ANAPC4: variants seen among roughly 807,000 people sequenced by gnomAD.
The protein encoded by ANAPC4 is anaphase-promoting complex subunit 4.
ANAPC4 carries 63 observed loss-of-function variants against 119.8 expected under a neutral mutation model. The ratio of observed to expected loss-of-function variants is 0.53; its 90% CI spans 0.43 to 0.65. ANAPC4 has a LOEUF of 0.65. ANAPC4 is among the 30% of genes least tolerant of loss of function. The pLI is 0.00. For missense variants in ANAPC4, 716 were observed against 945.1 expected (o/e 0.76, Z 3.18); for synonymous variants, 283 against 318.6 (o/e 0.89, Z 1.19).
rs947104282 is a variant in ANAPC4, at chr4:25,377,404, G to T, written c.-10-14G>T. On this transcript the variant is annotated splice_polypyrimidine_tract_variant and intron_variant, in intron 1 of 28. Transcript: ENST00000315368. ...GGGGGCTCCTGCCGGCCTCTGACTGGGGTGTCGTTGCAGGGCCGTCCCCAT... is the reference window on the plus strand; with the variant it reads ...GGGGGCTCCTGCCGGCCTCTGACTGTGGTGTCGTTGCAGGGCCGTCCCCAT... 30 of 1,612,498 alleles carry T rather than the reference G, an allele frequency of 1.9e-5. No homozygotes were observed. The highest frequency in any genetic ancestry group is 2.4e-5 in the Non-Finnish European group (28 of 1,179,168).
intron 25 of ANAPC4, 99 bp from the exon 26 acceptor site, chr4:25,415,367 A>G (rs1723800799): frequency 4.5e-6 from 4 of 884,450 alleles, no homozygotes; most frequent in African/African-American, 1.7e-5. Flanking sequence ...AAAGAAGTAC[A>G]TGTACTGACC....
In ANAPC4 at chr4:25,392,381, G is replaced by A. The variant is rs371711389; in HGVS notation, c.749G>A (p.Arg250Gln). 2.9e-5 allele frequency: 47 copies of A among 1,613,082 alleles called. No homozygotes were observed. The highest frequency in any genetic ancestry group is 6.7e-5 in the Admixed American group (4 of 59,994). Residue 250 changes from arginine to glutamine, a missense_variant, in exon 10 of 29, where the codon CGG becomes CAG. Coordinates refer to ENST00000315368, the MANE Select transcript of ANAPC4 (RefSeq NM_013367.3). The part of the protein sequence containing the change: ...LLYSFLPEVT[R>Q]MARKFTHISA... ...TACTCTTTCTTACCTGAAGTAACTC[G>A]GATGGCCAGAAAGTTTACTCATATT... is the stretch of plus-strand genomic sequence containing the variant.
intron 16 of ANAPC4, among the ~76,000 whole-genome samples, chr4:25,401,797 T>C (rs1004784987): frequency 2.6e-5 from 4 of 152,176 alleles, no homozygotes; most frequent in Non-Finnish European, 4.4e-5. Flanking sequence ...ATTTTAATGG[T>C]ATTTTAGAAG....
chr4:25,412,364 G>GC (rs1424101749), intron 21 of ANAPC4, among the ~76,000 whole-genome samples: 1 of 151,862 alleles, frequency 6.6e-6, no homozygotes, highest in African/African-American at 2.4e-5. Context: ...CAACCTCCAA[G>GC]CCCCTCTCTC....
chr4:25,413,574 G>T, intron 21 of ANAPC4, 71 bp from the exon 22 acceptor site: 2 of 1,196,820 alleles, frequency 1.7e-6, no homozygotes, highest in Non-Finnish European at 1.2e-6. Flanking sequence ...TCTAACAGTA[G>T]ATTATTTTCT....
chr4:25,402,855 C>T, intron 16 of ANAPC4, 116 bp from the exon 17 acceptor site: 2 of 491,172 alleles, frequency 4.1e-6, no homozygotes, highest in East Asian at 3.6e-5. Flanking sequence ...TTAAATGTCA[C>T]CCAGATAGGA....
chr4:25,386,210 G>T (rs1722026452), intron 4 of ANAPC4, among the ~76,000 whole-genome samples: 3 of 151,978 alleles, frequency 2.0e-5, no homozygotes, highest in Middle Eastern at 6.8e-3. Flanking sequence ...TCAGCGCCTG[G>T]CCTTATTTAT....
intron 11 of ANAPC4, 140 bp downstream of exon 11, chr4:25,394,031 A>G (rs1314775459): frequency 1.3e-6 from 1 of 760,692 alleles, no homozygotes; most frequent in Admixed American, 3.4e-5. Flanking sequence ...GTCTGACTTC[A>G]AACTGCTTCC....
At chr4:25,397,435 C>T (rs543023033) in intron 16 of ANAPC4, among the ~76,000 whole-genome samples, 27 of 152,242 alleles carry the variant, frequency 1.8e-4, no homozygotes, top group South Asian at 6.2e-4. Context: ...GGCTACCACC[C>T]GGGCATTTTC....
At position 25,388,483 on chromosome 4, in the gene ANAPC4, TA is replaced by T. The variant is rs768615897; in HGVS notation, c.369-16del. 6.6e-7 allele frequency: 1 copy of T among 1,515,380 alleles called. No homozygotes were observed. Among genetic ancestry groups the T allele is most frequent in the South Asian group, 1.2e-5 (1 of 83,868 alleles). 93.9% of individuals were successfully genotyped at this position (1,515,380 alleles called of 1,614,324 possible). On this transcript the variant is annotated splice_polypyrimidine_tract_variant and intron_variant, in intron 4 of 28. Coordinates refer to ENST00000315368, the MANE Select transcript of ANAPC4 (RefSeq NM_013367.3). ...ATCTTTGGTGTTTTTATAATGCTTT[TA>T]TTTTTTCCTTTTTAGTGTTCTCACA...
intron 20 of ANAPC4, 98 bp downstream of exon 20, chr4:25,407,351 T>C: frequency 1.2e-6 from 1 of 843,424 alleles, no homozygotes. Context: ...ACAGGATCTC[T>C]GCCCTTTTAG....
At chr4:25,392,253 T>C (rs1722388573) in intron 9 of ANAPC4, 85 bp from the exon 10 acceptor site, 1 of 918,984 alleles carries the variant, frequency 1.1e-6, no homozygotes, top group Non-Finnish European at 1.8e-6. Flanking sequence ...GTCTTTCTGA[T>C]ACGTAGTTTG....
intron 18 of ANAPC4, among the ~76,000 whole-genome samples, chr4:25,406,590 T>C (rs1314966922): frequency 6.6e-6 from 1 of 152,194 alleles, no homozygotes; most frequent in Non-Finnish European, 1.5e-5. Flanking sequence ...CATAAAGAGT[T>C]CTGTAGCTAT....
In ANAPC4 at chr4:25,394,873, T is replaced by C. The variant is rs750388982; in HGVS notation, c.1029T>C (p.Ser343=). 6.2e-7 allele frequency: 1 copy of C among 1,613,380 alleles called. No homozygotes were observed. Among genetic ancestry groups the C allele is most frequent in the Admixed American group, 1.7e-5 (1 of 59,860 alleles). Residue 343 remains serine, a synonymous_variant, in exon 14 of 29, where the codon AGT becomes AGC. Transcript: ENST00000315368. ...LGQSIESSYS[S]IQKLVISHLQ... is the part of the protein sequence containing the mutation. ...AGTCTATAGAGTCATCATACTCCAG[T>C]ATACAAAAATTGGTCATAAGTCATT...
Position 25,394,872 on chromosome 4 carries a change from G to A in ANAPC4, c.1028G>A (p.Ser343Asn). 1 of 1,613,172 alleles carries A rather than the reference G, an allele frequency of 6.2e-7. No homozygotes were observed. The highest frequency in any genetic ancestry group is 8.5e-7 in the Non-Finnish European group (1 of 1,179,752). ...CAGTCTATAGAGTCATCATACTCCA[G>A]TATACAAAAATTGGTCATAAGTCAT... Reference protein sequence around the residue: ...LGQSIESSYSSIQKLVISHLQ... With the variant: ...LGQSIESSYSNIQKLVISHLQ... Residue 343 changes from serine (S) to asparagine (N), a missense_variant, in exon 14 of 29, where the codon AGT becomes AAT. Ser to Asn is a conservative substitution (Grantham distance 46, BLOSUM62 1). Coordinates refer to ENST00000315368, the MANE Select transcript of ANAPC4 (RefSeq NM_013367.3).
intron 8 of ANAPC4, among the ~76,000 whole-genome samples, chr4:25,390,623 TAC>T (rs1722296052): frequency 6.6e-6 from 1 of 152,238 alleles, no homozygotes. Flanking sequence ...ATCAGACTCT[TAC>T]ACTCGCAAAA....
At chr4:25,382,099 G>GTTACAACAAAATGGTTTTTCTT (rs1379289373) in intron 3 of ANAPC4, among the ~76,000 whole-genome samples, 5 of 138,770 alleles carry the variant, frequency 3.6e-5, no homozygotes, top group African/African-American at 1.3e-4. Context: ...ATACCATTTT[G>GTTACAACAAAATGGTTTTTCTT]TTGTATAGCT....
chr4:25,394,085 G>A (rs996307824), intron 11 of ANAPC4, among the ~76,000 whole-genome samples, 194 bp downstream of exon 11: 5 of 152,194 alleles, frequency 3.3e-5, no homozygotes, highest in African/African-American at 7.2e-5. Flanking sequence ...TACAACTTAA[G>A]TGGGGACAGG....
chr4:25,410,924 A>T (rs1723523325), intron 21 of ANAPC4, among the ~76,000 whole-genome samples: 1 of 152,198 alleles, frequency 6.6e-6, no homozygotes. Flanking sequence ...CCAAACACTT[A>T]CAGACCCAAG....
Sources: gnomAD v4.1 joint callset for allele counts (sites outside exome capture counted in the v4.1 genomes callset) on GRCh38, gnomAD v4.1.1 for gene constraint, MANE v1.5 for transcripts, NCBI Gene and HGNC (gene_info 2026-07-23, HGNC 2026-07-21) for gene names.